The following CHCHD6 variants were observed in gnomAD, a reference collection of about 807,000 sequenced individuals.
The protein encoded by CHCHD6 is coiled-coil-helix-coiled-coil-helix domain containing 6, also known as MICOS complex subunit MIC25.
Under a neutral mutation model 32.3 loss-of-function variants are expected in CHCHD6, and 28 were observed. That is an observed-to-expected ratio of 0.87 (90% CI 0.64 to 1.19). The LOEUF (loss-of-function observed/expected upper bound fraction) is 1.19. Ranked by LOEUF, CHCHD6 falls within the 50% of genes most tolerant of loss-of-function variation. The probability of loss-of-function intolerance (pLI) is 0.00; values close to 1 mark genes in which losing one functional copy is unlikely to be tolerated. For missense variants in CHCHD6, 333 were observed against 307.0 expected, an observed-to-expected ratio of 1.08 and a Z score of -0.63; for synonymous variants, 122 against 117.5, an observed-to-expected ratio of 1.04 and a Z score of -0.25.
At chr3:126,871,327 C>G (rs1210625685) in intron 5 of CHCHD6, among the ~76,000 whole-genome samples, 1 of 152,162 alleles carries the variant, frequency 6.6e-6, no homozygotes, top group Non-Finnish European at 1.5e-5. Context: ...CTCAGCTCTC[C>G]TGACCCCATT....
chr3:126,744,610 C>T lies in CHCHD6; in HGVS notation c.411+11388C>T, dbSNP rs80264252. On this transcript the variant is annotated intron_variant, in intron 4 of 7. Coordinates refer to ENST00000290913, the MANE Select transcript of CHCHD6 (RefSeq NM_032343.3). Reference sequence around the variant, plus strand: ...GCTTAAAGTGGAAGTGTATTCTTCCCATGAACAAGACACCAGGGGCAGCCA... The same window carrying T: ...GCTTAAAGTGGAAGTGTATTCTTCCTATGAACAAGACACCAGGGGCAGCCA... Among the ~76,000 whole-genome samples, 888 of 152,290 alleles carry T rather than the reference C, an allele frequency of 5.8e-3. 11 individuals are homozygous for T. Among genetic ancestry groups the T allele is most frequent in the African/African-American group, 0.02 (852 of 41,564 alleles).
chr3:126,841,253 C>T (rs1941068397), intron 4 of CHCHD6, among the ~76,000 whole-genome samples: 1 of 152,104 alleles, frequency 6.6e-6, no homozygotes, highest in Admixed American at 6.6e-5. Flanking sequence ...CATAGTATTC[C>T]ATGGTGTATA....
At chr3:126,934,149 G>T (rs1311847099) in intron 6 of CHCHD6, among the ~76,000 whole-genome samples, 1 of 152,210 alleles carries the variant, frequency 6.6e-6, no homozygotes, top group African/African-American at 2.4e-5. Flanking sequence ...ATATTTATTT[G>T]CAGCTACAGA....
chr3:126,906,604 G>T (rs2078010595), intron 5 of CHCHD6, among the ~76,000 whole-genome samples: 1 of 152,220 alleles, frequency 6.6e-6, no homozygotes, highest in South Asian at 2.1e-4. Context: ...CTTCTGCCCA[G>T]TGTCAGCCGG....
chr3:126,746,310 A>G (rs561576623), intron 4 of CHCHD6, among the ~76,000 whole-genome samples: 1 of 152,102 alleles, frequency 6.6e-6, no homozygotes, highest in East Asian at 1.9e-4. Flanking sequence ...GAAAGTCATG[A>G]CTTTCCTCTT....
chr3:126,712,121 A>G (rs952597478), intron 1 of CHCHD6, among the ~76,000 whole-genome samples: 3 of 152,310 alleles, frequency 2.0e-5, no homozygotes, highest in Middle Eastern at 3.4e-3. Context: ...AGACACCTGC[A>G]TGTAGATTTC....
chr3:126,938,870 C>T (rs1056803150), intron 6 of CHCHD6, among the ~76,000 whole-genome samples: 1 of 152,224 alleles, frequency 6.6e-6, no homozygotes, highest in South Asian at 2.1e-4. Flanking sequence ...GCGATCTTCA[C>T]CCCAAGCTCC....
At chr3:126,756,025 G>T (rs1936943812) in intron 4 of CHCHD6, among the ~76,000 whole-genome samples, 1 of 152,126 alleles carries the variant, frequency 6.6e-6, no homozygotes, top group African/African-American at 2.4e-5. Flanking sequence ...CCAGGGCCGT[G>T]CAGTGGGTCT....
chr3:126,852,790 C>T, intron 5 of CHCHD6, 60 bp downstream of exon 5: 1 of 1,146,284 alleles, frequency 8.7e-7, no homozygotes. Context: ...CTGACCAGAA[C>T]ACATCACTGT....
chr3:126,913,606 G>A (rs985300493), intron 5 of CHCHD6, among the ~76,000 whole-genome samples: 7 of 152,144 alleles, frequency 4.6e-5, no homozygotes, highest in African/African-American at 1.4e-4. Flanking sequence ...GCACTGGGGA[G>A]GTCTGACCAC....
chr3:126,863,688 CACCATCACCACCTCCTCCTCCTCT>C (rs1413550379), intron 5 of CHCHD6, among the ~76,000 whole-genome samples: 7 of 145,560 alleles, frequency 4.8e-5, no homozygotes. Context: ...CCTCCTCCTC[CACCATCACCACCTCCTCCTCCTCT>C]ACCATCACCA....
At chr3:126,746,006 T>C (rs1936485006) in intron 4 of CHCHD6, among the ~76,000 whole-genome samples, 1 of 152,226 alleles carries the variant, frequency 6.6e-6, no homozygotes, top group South Asian at 2.1e-4. Context: ...TATCAAATCT[T>C]GGCGAGGCTT....
rs565411822 is a variant in CHCHD6, at chr3:126,780,387, G to C, written c.411+47165G>C. On this transcript the variant is annotated intron_variant, in intron 4 of 7. Coordinates refer to ENST00000290913, the MANE Select transcript of CHCHD6 (RefSeq NM_032343.3). ...AAGTCCAAAGGTATCCAATAAAAAG[G>C]CTCCATCACTCCAATCTTCCAGCCG... The C allele has an allele frequency of 3.4e-5, 14 of 413,588 alleles. No homozygotes were observed. The East Asian group carries it at 1.0e-3, about 29-fold the overall frequency. 25.6% of individuals were successfully genotyped at this position (413,588 alleles called of 1,614,324 possible).
At chr3:126,859,957 T>C (rs1941800689) in intron 5 of CHCHD6, among the ~76,000 whole-genome samples, 1 of 152,064 alleles carries the variant, frequency 6.6e-6, no homozygotes, top group African/African-American at 2.4e-5. Context: ...CTGGGTTCCA[T>C]GTAGGGTTCA....
intron 4 of CHCHD6, among the ~76,000 whole-genome samples, chr3:126,736,012 G>A (rs953806680): frequency 6.6e-6 from 1 of 152,186 alleles, no homozygotes; most frequent in Non-Finnish European, 1.5e-5. Flanking sequence ...GATAACCAAG[G>A]CAGTCAACTA....
At chr3:126,959,868 AG>A (rs2078835259) in intron 7 of CHCHD6, among the ~76,000 whole-genome samples, 2 of 152,206 alleles carry the variant, frequency 1.3e-5, no homozygotes, top group Admixed American at 1.3e-4. Flanking sequence ...TTCTATATCC[AG>A]GGTGCTTGTC....
intron 4 of CHCHD6, among the ~76,000 whole-genome samples, chr3:126,826,351 C>T (rs1236025007): frequency 6.6e-6 from 1 of 152,152 alleles, no homozygotes; most frequent in African/African-American, 2.4e-5. Context: ...CTTATAAATA[C>T]AGTCATGTGT....
rs1936983475 is a variant in CHCHD6 at position 126,757,175 on chromosome 3, A to G, written c.411+23953A>G. 2.0e-5 allele frequency among the ~76,000 whole-genome samples: 3 copies of G among 152,226 alleles called. No homozygotes were observed. In the South Asian group the frequency reaches 6.2e-4, roughly 31 times the overall value. Reference sequence around the variant, plus strand: ...TTGCAAGTGCTGACATGACACTCAAAGGAAATGCTCATTGGAGCATTTTGG... The same window carrying G: ...TTGCAAGTGCTGACATGACACTCAAGGGAAATGCTCATTGGAGCATTTTGG... On this transcript the variant is annotated intron_variant, in intron 4 of 7. Coordinates refer to ENST00000290913, the MANE Select transcript of CHCHD6 (RefSeq NM_032343.3).
chr3:126,953,098 T>C lies in CHCHD6; in HGVS notation c.567-4318T>C, dbSNP rs2078738132. 4.1e-6 allele frequency: 4 copies of C among 985,512 alleles called. No individual in the cohort carries two copies. In the South Asian group the frequency reaches 1.9e-4, roughly 46 times the overall value. The allele number at this position is 985,512 out of a possible 1,614,324, so 61.0% of individuals were successfully genotyped here. ...CACCTGCCATTCTCCTGCCATCCTC[T>C]CAACAGCTCTGTGGGGTGGGGTCCT... On this transcript the variant is annotated intron_variant, in intron 6 of 7. Transcript: ENST00000290913.
Sources: gnomAD v4.1 joint callset for allele counts (sites outside exome capture counted in the v4.1 genomes callset) on GRCh38, gnomAD v4.1.1 for gene constraint, MANE v1.5 for transcripts, NCBI Gene and HGNC (gene_info 2026-07-23, HGNC 2026-07-21) for gene names.